Variants in TMEM108 observed in about 807,000 individuals in gnomAD.
The protein encoded by TMEM108 is cancer/testis antigen 124.
In TMEM108, 12 loss-of-function variants were observed where a neutral mutation model predicts 35.1. The observed-to-expected ratio is 0.34, with a 90% CI of 0.22 to 0.55. TMEM108 has a LOEUF of 0.55. TMEM108 is among the 20% of genes least tolerant of loss of function. TMEM108 has a pLI of 0.89. For synonymous variants in TMEM108, 287 were observed against 308.6 expected (o/e 0.93, Z 0.73); for missense variants, 680 against 753.3 (o/e 0.90, Z 1.14).
At chr3:133,100,311 A>G (rs1309589882) in intron 2 of TMEM108, among the ~76,000 whole-genome samples, 2 of 152,218 alleles carry the variant, frequency 1.3e-5, no homozygotes, top group African/African-American at 4.8e-5. Flanking sequence ...TTGGGTGGGG[A>G]CACAGTCAAA....
intron 2 of TMEM108, among the ~76,000 whole-genome samples, chr3:133,102,037 A>G (rs1421115232): frequency 2.0e-5 from 3 of 152,210 alleles, no homozygotes; most frequent in Non-Finnish European, 2.9e-5. Context: ...CTTTTGATTC[A>G]TATTCATATT....
At chr3:133,193,362 G>C (rs1188323826) in intron 2 of TMEM108, among the ~76,000 whole-genome samples, 1 of 152,194 alleles carries the variant, frequency 6.6e-6, no homozygotes, top group African/African-American at 2.4e-5. Flanking sequence ...TGAGGAGCCT[G>C]TGTGGTTACT....
intron 3 of TMEM108, among the ~76,000 whole-genome samples, chr3:133,273,928 A>G (rs1946805103): frequency 6.6e-6 from 1 of 152,174 alleles, no homozygotes; most frequent in African/African-American, 2.4e-5. Flanking sequence ...AGGGTTTTAC[A>G]TCTCATTTAC....
At chr3:133,177,780 C>G (rs1945260249) in intron 2 of TMEM108, among the ~76,000 whole-genome samples, 2 of 152,094 alleles carry the variant, frequency 1.3e-5, no homozygotes, top group Admixed American at 6.5e-5. Flanking sequence ...TCTCACCACT[C>G]CTATTCAACA....
intron 2 of TMEM108, chr3:133,120,731 C>A (rs1944342747): frequency 6.6e-6 from 1 of 152,126 alleles, no homozygotes; most frequent in African/African-American, 2.4e-5. Flanking sequence ...TGTTATTTAT[C>A]TATGCTAGGC....
chr3:133,177,626 C>A (rs1281959970), intron 2 of TMEM108, among the ~76,000 whole-genome samples: 1 of 152,162 alleles, frequency 6.6e-6, no homozygotes, highest in Non-Finnish European at 1.5e-5. Context: ...ACGCTTCATG[C>A]TAAAAACTCT....
At chr3:133,101,100 C>G (rs1244509306) in intron 2 of TMEM108, among the ~76,000 whole-genome samples, 1 of 152,136 alleles carries the variant, frequency 6.6e-6, no homozygotes, top group African/African-American at 2.4e-5. Flanking sequence ...GTTTTTGCTT[C>G]TGTACATAAT....
chr3:133,094,121 T>C (rs1334446485), intron 2 of TMEM108, among the ~76,000 whole-genome samples: 2 of 152,128 alleles, frequency 1.3e-5, no homozygotes, highest in Non-Finnish European at 2.9e-5. Context: ...TCTCATGGTG[T>C]GAAGATATGC....
intron 2 of TMEM108, among the ~76,000 whole-genome samples, chr3:133,209,669 C>T (rs1203416636): frequency 6.6e-6 from 1 of 152,142 alleles, no homozygotes; most frequent in Non-Finnish European, 1.5e-5. Context: ...AAGGAGGTTC[C>T]TTTGGTGTAG....
At chr3:133,387,889 C>T in intron 4 of TMEM108, 2 of 985,456 alleles carry the variant, frequency 2.0e-6, no homozygotes, top group Non-Finnish European at 2.4e-6. Context: ...CACTTTGATT[C>T]TGTTTGCTTA....
At chr3:133,384,163 T>C (rs1210123137) in intron 4 of TMEM108, among the ~76,000 whole-genome samples, 3 of 152,232 alleles carry the variant, frequency 2.0e-5, no homozygotes, top group East Asian at 3.8e-4. Context: ...GCTTCATTTA[T>C]CTTAAAGCTA....
At chr3:133,372,894 C>A (rs1420099084) in intron 3 of TMEM108, among the ~76,000 whole-genome samples, 1 of 152,172 alleles carries the variant, frequency 6.6e-6, no homozygotes, top group African/African-American at 2.4e-5. Flanking sequence ...AAGTCACAGG[C>A]ATGGATTGCC....
chr3:133,162,750 A>G (rs1027784952), intron 2 of TMEM108, among the ~76,000 whole-genome samples: 2 of 152,182 alleles, frequency 1.3e-5, no homozygotes, highest in Non-Finnish European at 2.9e-5. Flanking sequence ...GCCTCAACTG[A>G]TTCATCAGGT....
chr3:133,276,948 AT>A (rs1260845464), intron 3 of TMEM108, among the ~76,000 whole-genome samples: 2 of 152,190 alleles, frequency 1.3e-5, no homozygotes, highest in African/African-American at 4.8e-5. Flanking sequence ...ATGACATGAT[AT>A]CTGTTCATTC....
intron 3 of TMEM108, among the ~76,000 whole-genome samples, chr3:133,245,654 G>C (rs1297803522): frequency 2.6e-5 from 4 of 152,210 alleles, no homozygotes; most frequent in Non-Finnish European, 5.9e-5. Flanking sequence ...GGAGACCAAA[G>C]AAACATGGCA....
intron 2 of TMEM108, among the ~76,000 whole-genome samples, chr3:133,217,388 CTG>C (rs1945924903): frequency 6.6e-6 from 1 of 151,920 alleles, no homozygotes; most frequent in African/African-American, 2.4e-5. Context: ...TCTCATAACT[CTG>C]TTGATTGTTT....
intron 3 of TMEM108, among the ~76,000 whole-genome samples, chr3:133,267,096 A>G (rs75206878): frequency 0.014 from 2,080 of 150,978 alleles, 57 homozygotes; most frequent in African/African-American, 0.048. Flanking sequence ...AAAAAAAAAA[A>G]GAACTCCCAA....
chr3:133,200,947 A>G (rs1216492902), intron 2 of TMEM108, among the ~76,000 whole-genome samples: 1 of 152,208 alleles, frequency 6.6e-6, no homozygotes, highest in Non-Finnish European at 1.5e-5. Context: ...TTTATAGAAC[A>G]TTTCTATCAT....
chr3:133,343,554 A>T lies in TMEM108; in HGVS notation c.41-36198A>T, dbSNP rs147307057. On this transcript the variant is annotated intron_variant, in intron 3 of 5. Transcript: ENST00000321871. ...CACTATTAAGCAATAAAAGAGAACA[A>T]GGTTGCTGATTTGTGCAAAGACATG... 2.6e-3 allele frequency among the ~76,000 whole-genome samples: 399 copies of T among 152,054 alleles called. 1 individual carries two copies. The highest frequency in any genetic ancestry group is 9.2e-3 in the African/African-American group (382 of 41,552).
Sources: gnomAD v4.1 joint callset for allele counts (sites outside exome capture counted in the v4.1 genomes callset) on GRCh38, gnomAD v4.1.1 for gene constraint, MANE v1.5 for transcripts, NCBI Gene and HGNC (gene_info 2026-07-23, HGNC 2026-07-21) for gene names.